The following ZNF106 variants were observed in gnomAD, a reference collection of about 807,000 sequenced individuals.
ZNF106 encodes the protein SH3-domain binding protein 3.
ZNF106 carries 67 observed loss-of-function variants against 195.1 expected under a neutral mutation model. That is an observed-to-expected ratio of 0.34 (90% CI 0.28 to 0.42). ZNF106 has a LOEUF of 0.42. ZNF106 is among the 10% of genes least tolerant of loss of function. The pLI is 1.00. For missense variants in ZNF106, 2,118 were observed against 2,304.5 expected (o/e 0.92, Z 1.66); for synonymous variants, 784 against 818.6 (o/e 0.96, Z 0.72).
Position 42,417,069 on chromosome 15 carries a change from CAG to C in ZNF106, c.*233_*234del. On this transcript the variant is annotated 3_prime_UTR_variant, in exon 22 of 22. Coordinates refer to ENST00000564754, the MANE Select transcript of ZNF106 (RefSeq NM_001366845.3). ...TATATCACTATATGCCATGCTGTCC[CAG>C]AGAAGTATGGTTCCTTAACATTTGT... The C allele has an allele frequency of 6.0e-6, 3 of 499,856 alleles. No homozygotes were observed. Among genetic ancestry groups the C allele is most frequent in the Non-Finnish European group, 1.1e-5 (3 of 279,712 alleles). 31.0% of individuals were successfully genotyped at this position (499,856 alleles called of 1,614,324 possible). A position where few individuals can be genotyped will look rare whatever the true frequency, so the allele number is the denominator to read the frequency against.
chr15:42,454,448 T>C (rs2056159362), intron 4 of ZNF106, among the ~76,000 whole-genome samples: 1 of 151,318 alleles, frequency 6.6e-6, no homozygotes, highest in Non-Finnish European at 1.5e-5. Context: ...GATAAATAAA[T>C]CACAAAGTAG....
intron 4 of ZNF106, among the ~76,000 whole-genome samples, chr15:42,452,814 T>C (rs1281345664): frequency 8.7e-5 from 13 of 149,904 alleles, no homozygotes; most frequent in African/African-American, 3.2e-4. Context: ...GACTCCCGAC[T>C]AGCTGGGATT....
intron 20 of ZNF106, 107 bp from the exon 21 acceptor site, chr15:42,418,058 C>T: frequency 1.7e-6 from 2 of 1,174,932 alleles, no homozygotes; most frequent in Non-Finnish European, 2.3e-6. Context: ...AAAAAGCCAG[C>T]CCCTTATTTC....
chr15:42,469,238 C>T (rs4924678), intron 2 of ZNF106, among the ~76,000 whole-genome samples: 55,900 of 151,864 alleles, frequency 0.37, 12,899 homozygotes, highest in African/African-American at 0.65. Context: ...TATTCAATTC[C>T]TCCTTGATTT....
intron 3 of ZNF106, among the ~76,000 whole-genome samples, chr15:42,461,451 A>T (rs2056389732): frequency 6.6e-6 from 1 of 152,368 alleles, no homozygotes; most frequent in East Asian, 1.9e-4. Context: ...CAAAGTCTTA[A>T]GATACTCTCT....
chr15:42,447,708 T>A (rs1025702748), intron 6 of ZNF106, among the ~76,000 whole-genome samples: 1 of 152,212 alleles, frequency 6.6e-6, no homozygotes, highest in Non-Finnish European at 1.5e-5. Flanking sequence ...GCCCTACAAG[T>A]GCAACAGTAG....
chr15:42,447,556 C>G (rs2055818994), intron 6 of ZNF106, among the ~76,000 whole-genome samples: 1 of 151,974 alleles, frequency 6.6e-6, no homozygotes, highest in African/African-American at 2.4e-5. Flanking sequence ...CTCTTAAAGG[C>G]CAGGGTGGGT....
intron 14 of ZNF106, among the ~76,000 whole-genome samples, chr15:42,432,129 A>ATATC (rs762564269): frequency 2.2e-4 from 34 of 152,144 alleles, no homozygotes; most frequent in Middle Eastern, 3.4e-3. Flanking sequence ...TCATTATGGG[A>ATATC]TATCCTCCTT....
At position 42,424,885 on chromosome 15, in the gene ZNF106, T is replaced by A. The variant is rs757324860; in HGVS notation, c.5139A>T (p.Gly1713=). Residue 1713 remains glycine, a synonymous_variant, in exon 16 of 22, where the codon GGA becomes GGT. Coordinates refer to ENST00000564754, the MANE Select transcript of ZNF106 (RefSeq NM_001366845.3). Reference sequence around the variant, plus strand: ...GGCCCTCCAGAGTTCTGAGGAGCAGTCCATTCCGGGCATCGCGTACACTAA... The same window carrying A: ...GGCCCTCCAGAGTTCTGAGGAGCAGACCATTCCGGGCATCGCGTACACTAA... ...CTISVRDARN[G]LLLRTLEGHS... The A allele has an allele frequency of 6.2e-7, 1 of 1,614,002 alleles. No individual in the cohort carries two copies. Among genetic ancestry groups the A allele is most frequent in the Non-Finnish European group, 8.5e-7 (1 of 1,180,028 alleles).
chr15:42,469,966 T>C (rs2056627920), intron 2 of ZNF106, among the ~76,000 whole-genome samples: 1 of 152,154 alleles, frequency 6.6e-6, no homozygotes, highest in Non-Finnish European at 1.5e-5. Flanking sequence ...TAGGCTTCTA[T>C]TTAGGCCTTG....
At chr15:42,419,156 G>C (rs1404157474) in intron 20 of ZNF106, among the ~76,000 whole-genome samples, 9 of 151,644 alleles carry the variant, frequency 5.9e-5, no homozygotes, top group Non-Finnish European at 1.2e-4. Flanking sequence ...ATCACCTGAG[G>C]TCAGGAGTTC....
intron 10 of ZNF106, among the ~76,000 whole-genome samples, chr15:42,441,309 C>G (rs1371479916): frequency 6.6e-6 from 1 of 151,606 alleles, no homozygotes; most frequent in Non-Finnish European, 1.5e-5. Context: ...TGCCACCATA[C>G]TCCAGCCTGA....
intron 12 of ZNF106, among the ~76,000 whole-genome samples, chr15:42,438,358 T>C (rs1473902576): frequency 6.6e-6 from 1 of 152,168 alleles, no homozygotes; most frequent in Admixed American, 6.5e-5. Context: ...GCCACTGCAC[T>C]CCAGCCCAGG....
intron 1 of ZNF106, among the ~76,000 whole-genome samples, chr15:42,477,696 C>T (rs1056595211): frequency 2.0e-5 from 3 of 151,972 alleles, no homozygotes; most frequent in African/African-American, 7.3e-5. Context: ...CCAAGACCAG[C>T]GTGACCAACA....
chr15:42,477,631 G>A (rs1001329269), intron 1 of ZNF106, among the ~76,000 whole-genome samples: 8 of 152,342 alleles, frequency 5.3e-5, no homozygotes, highest in South Asian at 2.1e-4. Context: ...GCTCATGCCT[G>A]TAATCCCAAC....
Position 42,449,966 on chromosome 15 carries a change from A to G in ZNF106, c.2306T>C (p.Leu769Pro), listed in dbSNP as rs539997228. The change falls in exon 5 of 22, where the codon CTT becomes CCT. Residue 769 changes from leucine to proline, a missense_variant. By Grantham distance (98) the Leu-to-Pro change is moderately conservative. Transcript: ENST00000564754. ...GGCACTATTGAGGTTTGGCTCAGGA[A>G]GGTGTACTCCAGTTTTGCTCTTCAA... ...ISLKSKTGVHLPEPNLNSARR... is the reference protein window; with the variant it reads ...ISLKSKTGVHPPEPNLNSARR... 52 of 1,614,092 alleles carry G rather than the reference A, an allele frequency of 3.2e-5. No individual in the cohort carries two copies. The highest frequency in any genetic ancestry group is 4.3e-5 in the Non-Finnish European group (51 of 1,180,048).
At chr15:42,423,439 CA>C (rs1235099140) in intron 17 of ZNF106, among the ~76,000 whole-genome samples, 1 of 151,680 alleles carries the variant, frequency 6.6e-6, no homozygotes, top group Non-Finnish European at 1.5e-5. Flanking sequence ...TGCAGTGGTG[CA>C]ATCACAGCTC....
intron 4 of ZNF106, among the ~76,000 whole-genome samples, chr15:42,455,366 G>C (rs1029737341): frequency 2.6e-5 from 4 of 152,060 alleles, no homozygotes. Context: ...GATAATTTTA[G>C]GTAATATTTT....
intron 1 of ZNF106, among the ~76,000 whole-genome samples, chr15:42,487,509 A>G (rs996660553): frequency 6.6e-5 from 10 of 151,036 alleles, no homozygotes; most frequent in Non-Finnish European, 1.3e-4. Flanking sequence ...AAAAAAAAAA[A>G]AAAAAGCTTT....
Sources: gnomAD v4.1 joint callset for allele counts (sites outside exome capture counted in the v4.1 genomes callset) on GRCh38, gnomAD v4.1.1 for gene constraint, MANE v1.5 for transcripts, NCBI Gene and HGNC (gene_info 2026-07-23, HGNC 2026-07-21) for gene names.